The following LRRK1 variants were observed in gnomAD, a reference collection of about 807,000 sequenced individuals.
The protein encoded by LRRK1 is leucine-rich repeat serine/threonine-protein kinase 1.
In LRRK1, 113 loss-of-function variants were observed where a neutral mutation model predicts 209.1. The ratio of observed to expected loss-of-function variants is 0.54; its 90% confidence interval spans 0.46 to 0.63. The LOEUF (loss-of-function observed/expected upper bound fraction) is 0.63. Among genes scored for constraint, LRRK1 ranks in the 30% least tolerant of loss-of-function variants. LRRK1 has a pLI of 0.00. For missense variants in LRRK1, 2,284 were observed against 2,632.2 expected (o/e 0.87, Z 2.89); for synonymous variants, 1,144 against 1,099.7 (o/e 1.04, Z -0.80).
rs527936456 is a variant in LRRK1 at position 101,038,214 on chromosome 15, CAG to C, written c.2964-7766_2964-7765del. On this transcript the variant is annotated intron_variant, in intron 20 of 33. Transcript: ENST00000388948. ...AATAATACAATGGATTTTGGGGACT[CAG>C]GGGAAAGGGTGGGAGGGGATGAGAG... is the stretch of plus-strand genomic sequence containing the variant. 2.2e-3 allele frequency among the ~76,000 whole-genome samples: 340 copies of C among 152,054 alleles called. 3 individuals are homozygous for C. The highest frequency in any genetic ancestry group is 2.8e-3 in the Admixed American group (43 of 15,270).
chr15:100,993,192 C>T (rs1387193579), intron 6 of LRRK1, among the ~76,000 whole-genome samples: 1 of 152,192 alleles, frequency 6.6e-6, no homozygotes, highest in African/African-American at 2.4e-5. Flanking sequence ...TAGCAAACGC[C>T]TAATAGATGT....
At chr15:101,018,387 A>T (rs1274815632) in intron 12 of LRRK1, among the ~76,000 whole-genome samples, 3 of 152,184 alleles carry the variant, frequency 2.0e-5, no homozygotes, top group Admixed American at 2.0e-4. Context: ...AGACATAGGG[A>T]TTTCACTTAG....
intron 20 of LRRK1, among the ~76,000 whole-genome samples, chr15:101,031,565 A>G (rs1169108433): frequency 1.3e-5 from 2 of 152,198 alleles, no homozygotes; most frequent in Admixed American, 6.5e-5. Context: ...ACACTGCTGT[A>G]AACAGTCTTA....
At chr15:101,010,934 C>T in intron 9 of LRRK1, 97 bp downstream of exon 9, 4 of 1,094,626 alleles carry the variant, frequency 3.7e-6, no homozygotes, top group Non-Finnish European at 3.9e-6. Flanking sequence ...TTCATCCCCT[C>T]AGCAGCGAAG....
rs888010386 is a variant in LRRK1, at chr15:101,031,891, C to T, written c.2963+2659C>T. 1.3e-4 allele frequency among the ~76,000 whole-genome samples: 20 copies of T among 152,316 alleles called. 1 individual carries two copies. The East Asian group carries it at 1.9e-3, about 15-fold the overall frequency. On this transcript the variant is annotated intron_variant, in intron 20 of 33. Coordinates refer to ENST00000388948, the MANE Select transcript of LRRK1 (RefSeq NM_024652.6). ...CTGGGACTACAGGCGCCCACCACCGCGCCTGGCTAATTTTTTGTATTTTTA... is the reference window on the plus strand; with the variant it reads ...CTGGGACTACAGGCGCCCACCACCGTGCCTGGCTAATTTTTTGTATTTTTA...
rs760162141 is a variant in LRRK1 at position 101,027,225 on chromosome 15, G to A, written c.2406-36G>A. On this transcript the variant is annotated intron_variant, in intron 17 of 33. Transcript: ENST00000388948. The surrounding 1 kb of genome is among the most constrained non-coding windows in gnomAD (Gnocchi z 5.1). Reference sequence around the variant, plus strand: ...AAGCAGCAGCGCTTCCTCGGAGTGGGGCATGATGAGTAAAGACGGGTCTTT... The same window carrying A: ...AAGCAGCAGCGCTTCCTCGGAGTGGAGCATGATGAGTAAAGACGGGTCTTT... 6.2e-7 allele frequency: 1 copy of A among 1,611,862 alleles called. No individual in the cohort carries two copies. Among genetic ancestry groups the A allele is most frequent in the Non-Finnish European group, 8.5e-7 (1 of 1,178,712 alleles).
intron 10 of LRRK1, among the ~76,000 whole-genome samples, chr15:101,013,320 T>G (rs1478597494): frequency 6.6e-6 from 1 of 152,138 alleles, no homozygotes; most frequent in Non-Finnish European, 1.5e-5. Context: ...GAATTTAATG[T>G]GGGGCAGCAA....
At position 101,068,899 on chromosome 15, in the gene LRRK1, G is replaced by A; in HGVS notation, c.*51G>A. The A allele has an allele frequency of 6.6e-7, 1 of 1,508,342 alleles. No individual in the cohort carries two copies. The allele number at this position is 1,508,342 out of a possible 1,614,324, so 93.4% of individuals were successfully genotyped here. A position where few individuals can be genotyped will look rare whatever the true frequency, so the allele number is the denominator to read the frequency against. Reference sequence around the variant, plus strand: ...CAGAGCTGGCTGGCCCGGGGCTGCAGCCTGACCCCTCTGCCATCGGCCTCT... The same window carrying A: ...CAGAGCTGGCTGGCCCGGGGCTGCAACCTGACCCCTCTGCCATCGGCCTCT... On this transcript the variant is annotated 3_prime_UTR_variant, in exon 34 of 34. Transcript: ENST00000388948.
chr15:100,942,428 A>G (rs1236991362), intron 2 of LRRK1, among the ~76,000 whole-genome samples: 2 of 152,214 alleles, frequency 1.3e-5, no homozygotes, highest in African/African-American at 2.4e-5. Flanking sequence ...TGATAATAAT[A>G]TTACAATGAT....
chr15:100,925,817 G>A (rs2042099590), intron 2 of LRRK1, among the ~76,000 whole-genome samples: 1 of 152,196 alleles, frequency 6.6e-6, no homozygotes, highest in South Asian at 2.1e-4. Context: ...CTGGAAACGT[G>A]TTCAAGGTCA....
rs775066092 is a variant in LRRK1 at position 101,015,418 on chromosome 15, G to A, written c.1609+16G>A. ...ACTGAGGCAGGTGTGTGTGGGTTGGGAGACGGTGTTCCCAGATGAGACAGC... is the reference window on the plus strand; with the variant it reads ...ACTGAGGCAGGTGTGTGTGGGTTGGAAGACGGTGTTCCCAGATGAGACAGC... On this transcript the variant is annotated intron_variant, in intron 12 of 33. Coordinates refer to ENST00000388948, the MANE Select transcript of LRRK1 (RefSeq NM_024652.6). 14 of 1,604,704 alleles carry A rather than the reference G, an allele frequency of 8.7e-6. No individual in the cohort carries two copies. Among genetic ancestry groups the A allele is most frequent in the Non-Finnish European group, 1.2e-5 (14 of 1,173,494 alleles).
intron 2 of LRRK1, among the ~76,000 whole-genome samples, chr15:100,953,508 C>CTATATATATATA (rs60971994): frequency 6.8e-6 from 1 of 146,528 alleles, no homozygotes; most frequent in Non-Finnish European, 1.5e-5. Flanking sequence ...ATGTGTGTGT[C>CTATATATATATA]TATATATATA....
chr15:100,982,413 C>T (rs1481992952), intron 3 of LRRK1, among the ~76,000 whole-genome samples: 1 of 152,236 alleles, frequency 6.6e-6, no homozygotes, highest in African/African-American at 2.4e-5. Flanking sequence ...GCCACTTTTA[C>T]ACTGGTCAAT....
chr15:100,968,693 TC>T lies in LRRK1; in HGVS notation c.98-5109del, dbSNP rs1460151946. 3.2e-4 allele frequency among the ~76,000 whole-genome samples: 25 copies of T among 77,252 alleles called. 2 individuals carry two copies. Among genetic ancestry groups the T allele is most frequent in the East Asian group, 1.7e-3 (2 of 1,176 alleles). 50.7% of individuals were successfully genotyped at this position (77,252 alleles called of 152,430 possible). A position where few individuals can be genotyped will look rare whatever the true frequency, so the allele number is the denominator to read the frequency against. On this transcript the variant is annotated intron_variant, in intron 2 of 33. Coordinates refer to ENST00000388948, the MANE Select transcript of LRRK1 (RefSeq NM_024652.6). ...CTTTTTCTTTCTTTCTTTCTTTCTT[TC>T]CTTCCTTCCTTCCTTCCTTCCTTCC...
In LRRK1 at chr15:100,986,015, A is replaced by G. The variant is rs143148943; in HGVS notation, c.433+2316A>G. On this transcript the variant is annotated intron_variant, in intron 4 of 33. Transcript: ENST00000388948. ...GGATTTCATGACCAGCCTGGGTAAC[A>G]TAGTGAGACCCTGTATCTACAAAAA... Among the ~76,000 whole-genome samples the G allele has an allele frequency of 7.7e-3, 1,165 of 151,880 alleles. 16 individuals carry two copies. Among genetic ancestry groups the G allele is most frequent in the African/African-American group, 0.027 (1,119 of 41,274 alleles).
chr15:100,990,875 A>T (rs1418983073), intron 6 of LRRK1, among the ~76,000 whole-genome samples: 3 of 152,228 alleles, frequency 2.0e-5, no homozygotes, highest in African/African-American at 7.2e-5. Flanking sequence ...CCTTTCTGGT[A>T]TGTGGTTATA....
intron 2 of LRRK1, among the ~76,000 whole-genome samples, chr15:100,936,008 C>T (rs1444728827): frequency 2.0e-5 from 3 of 152,206 alleles, no homozygotes; most frequent in East Asian, 1.9e-4. Flanking sequence ...AGCATCACTT[C>T]GGCCACTACC....
chr15:101,011,460 G>A (rs1411138718), intron 9 of LRRK1, among the ~76,000 whole-genome samples: 1 of 143,340 alleles, frequency 7.0e-6, no homozygotes, highest in Non-Finnish European at 1.5e-5. Context: ...TGGTGACAGA[G>A]CAAGACTCTG....
At chr15:101,062,888 G>T (rs1006797102) in intron 31 of LRRK1, among the ~76,000 whole-genome samples, 198 bp downstream of exon 31, 1 of 152,176 alleles carries the variant, frequency 6.6e-6, no homozygotes, top group Admixed American at 6.5e-5. Context: ...AAAAACCTAA[G>T]TCAAGTCCCC....
Sources: allele counts gnomAD v4.1 joint callset (sites outside exome capture counted in the v4.1 genomes callset), GRCh38; gene constraint gnomAD v4.1.1; non-coding constraint Gnocchi (gnomAD v3.1); transcripts MANE v1.5; gene names NCBI Gene and HGNC (gene_info 2026-07-23, HGNC 2026-07-21).